The following ITPRID1 variants were observed in gnomAD, a reference collection of about 807,000 sequenced individuals.
ITPRID1 encodes the protein ITPR interacting domain containing 1.
Under a neutral mutation model 95.4 loss-of-function variants are expected in ITPRID1, and 96 were observed. That is an observed-to-expected ratio of 1.01 (90% CI 0.85 to 1.19). ITPRID1 has a LOEUF of 1.19. Ranked by LOEUF, ITPRID1 falls within the 50% of genes most tolerant of loss-of-function variation. ITPRID1 has a pLI of 0.00. For synonymous variants in ITPRID1, 510 were observed against 453.6 expected (o/e 1.12, Z -1.58); for missense variants, 1,339 against 1,252.9 (o/e 1.07, Z -1.04).
chr7:31,640,486 G>A (rs1789920938), intron 10 of ITPRID1, among the ~76,000 whole-genome samples: 1 of 152,220 alleles, frequency 6.6e-6, no homozygotes, highest in African/African-American at 2.4e-5. Context: ...TCAGCTTCAA[G>A]TGTCTGCAAG....
chr7:31,592,230 T>C (rs1440903718), intron 10 of ITPRID1, among the ~76,000 whole-genome samples: 2 of 152,198 alleles, frequency 1.3e-5, no homozygotes, highest in African/African-American at 4.8e-5. Flanking sequence ...GGATGGAGCA[T>C]GAATTTTGGA....
intron 5 of ITPRID1, among the ~76,000 whole-genome samples, chr7:31,564,917 TG>T (rs1360706117): frequency 1.3e-5 from 2 of 152,174 alleles, no homozygotes; most frequent in Admixed American, 6.5e-5. Context: ...TGGCACATTG[TG>T]AGCCACCAGC....
chr7:31,531,666 G>A (rs1448222789), intron 1 of ITPRID1, among the ~76,000 whole-genome samples: 1 of 152,042 alleles, frequency 6.6e-6, no homozygotes. Flanking sequence ...CAGGAAGCCC[G>A]CAGGGAATTC....
intron 10 of ITPRID1, among the ~76,000 whole-genome samples, chr7:31,624,152 C>T (rs1788206071): frequency 6.6e-6 from 1 of 150,768 alleles, no homozygotes; most frequent in African/African-American, 2.4e-5. Flanking sequence ...ACATTCCATG[C>T]TCATGGGTAG....
chr7:31,534,081 G>A (rs1783684790), intron 1 of ITPRID1, among the ~76,000 whole-genome samples: 1 of 152,146 alleles, frequency 6.6e-6, no homozygotes, highest in Non-Finnish European at 1.5e-5. Context: ...TAGGTTGTGT[G>A]CTCCCTGTGA....
intron 7 of ITPRID1, among the ~76,000 whole-genome samples, chr7:31,572,487 T>C (rs901433587): frequency 2.6e-5 from 4 of 152,288 alleles, no homozygotes; most frequent in East Asian, 3.9e-4. Flanking sequence ...GAAAGCTCTA[T>C]ATGCCATATT....
intron 7 of ITPRID1, among the ~76,000 whole-genome samples, chr7:31,573,510 T>C (rs928712344): frequency 2.0e-5 from 3 of 152,164 alleles, no homozygotes; most frequent in Non-Finnish European, 4.4e-5. Flanking sequence ...AGTAAATGAA[T>C]TGTAGTTAAT....
chr7:31,519,620 CTATATATA>C lies in ITPRID1; in HGVS notation c.-98+5519_-98+5526del, dbSNP rs750544823. ...TCTCTCTCTCTCTCTCTCTCTCTCTCTATATATATATATATATATATATATAAATCTTA... is the reference window on the plus strand; with the variant it reads ...TCTCTCTCTCTCTCTCTCTCTCTCTCTATATATATATATATATAAATCTTA... On this transcript the variant is annotated intron_variant, in intron 1 of 14. Coordinates refer to ENST00000615280, the MANE Select transcript of ITPRID1 (RefSeq NM_001257967.3). 1.8e-3 allele frequency among the ~76,000 whole-genome samples: 46 copies of C among 25,264 alleles called. 1 individual carries two copies. The highest frequency in any genetic ancestry group is 4.1e-3 in the Admixed American group (7 of 1,700). The allele number at this position is 25,264 out of a possible 152,430, so 16.6% of individuals were successfully genotyped here.
downstream of ITPRID1, among the ~76,000 whole-genome samples, chr7:31,657,397 T>C (rs1791355455): frequency 6.6e-6 from 1 of 152,242 alleles, no homozygotes; most frequent in Non-Finnish European, 1.5e-5. Flanking sequence ...GAAATTTATT[T>C]TTTAAATAAA....
chr7:31,638,456 T>C (rs1210620678), intron 10 of ITPRID1, among the ~76,000 whole-genome samples: 1 of 152,146 alleles, frequency 6.6e-6, no homozygotes. Context: ...TAATAACAGG[T>C]GTTTATGTTT....
In ITPRID1 at chr7:31,563,552, T is replaced by C. The variant is rs566156849; in HGVS notation, c.257-6206T>C. Among the ~76,000 whole-genome samples, 7 of 152,268 alleles carry C rather than the reference T, an allele frequency of 4.6e-5. No individual in the cohort carries two copies. The South Asian group carries it at 1.5e-3, about 32-fold the overall frequency. The stretch of plus-strand genomic sequence containing the variant: ...GGTCGTGAATAATTTGTGATAATAA[T>C]TAGTGATAACTGTCGCAGGTGTGGT... On this transcript the variant is annotated intron_variant, in intron 5 of 14. Coordinates refer to ENST00000615280, the MANE Select transcript of ITPRID1 (RefSeq NM_001257967.3).
intron 10 of ITPRID1, among the ~76,000 whole-genome samples, chr7:31,625,234 A>T (rs1318399238): frequency 3.3e-5 from 5 of 151,506 alleles, no homozygotes; most frequent in Non-Finnish European, 1.5e-5. Flanking sequence ...AGGGATCTAG[A>T]ATTACAAATA....
intron 1 of ITPRID1, chr7:31,529,635 A>T (rs980602448): frequency 1.4e-6 from 1 of 728,850 alleles, no homozygotes; most frequent in East Asian, 2.7e-5. Flanking sequence ...TTGGCTTTCT[A>T]TGACCAACTT....
In ITPRID1 at chr7:31,554,906, G is replaced by C; in HGVS notation, c.256+5G>C. 1.3e-6 allele frequency: 2 copies of C among 1,574,892 alleles called. No individual in the cohort carries two copies. The highest frequency in any genetic ancestry group is 1.7e-6 in the Non-Finnish European group (2 of 1,156,416). On this transcript the variant is annotated splice_donor_5th_base_variant and intron_variant, in intron 5 of 14. Coordinates refer to ENST00000615280, the MANE Select transcript of ITPRID1 (RefSeq NM_001257967.3). The stretch of plus-strand genomic sequence containing the variant: ...AACAAGTCATTGACCGCACTGGTAA[G>C]ACAAGAGAAGCAGTTATGCTTTGGG...
At position 31,574,168 on chromosome 7, in the gene ITPRID1, ATT is replaced by A. The variant is rs34822604; in HGVS notation, c.396-360_396-359del. 7.5e-5 allele frequency among the ~76,000 whole-genome samples: 11 copies of A among 145,946 alleles called. No homozygotes were observed. In the South Asian group the frequency reaches 8.6e-4, roughly 11 times the overall value. On this transcript the variant is annotated intron_variant, in intron 7 of 14. Transcript: ENST00000615280. ...AGTCTACTGTTTACAGTTTTGTGGG[ATT>A]TTTTTTTTTTTCTGTTTCATTTCTT...
At position 31,544,215 on chromosome 7, in the gene ITPRID1, T is replaced by C. The variant is rs1439764059; in HGVS notation, c.-97-5211T>C. On this transcript the variant is annotated intron_variant, in intron 1 of 14. Coordinates refer to ENST00000615280, the MANE Select transcript of ITPRID1 (RefSeq NM_001257967.3). ...CATTAAGTATGATGTTGGCTACTGA[T>C]TTTTTGTAGATATTTTTTATCAAGT... 2.0e-5 allele frequency among the ~76,000 whole-genome samples: 3 copies of C among 151,820 alleles called. 1 individual carries two copies. The highest frequency in any genetic ancestry group is 4.4e-5 in the Non-Finnish European group (3 of 67,748).
chr7:31,583,002 T>C (rs1239339933), intron 9 of ITPRID1, 132 bp from the exon 10 acceptor site: 5 of 578,794 alleles, frequency 8.6e-6, no homozygotes, highest in South Asian at 2.5e-5. Flanking sequence ...TCCCAGCAGA[T>C]TGCAAGTTAT....
At chr7:31,597,347 A>T (rs1475181975) in intron 10 of ITPRID1, among the ~76,000 whole-genome samples, 1 of 152,050 alleles carries the variant, frequency 6.6e-6, no homozygotes, top group Non-Finnish European at 1.5e-5. Context: ...TGCAGACAAG[A>T]TAACTGTCTA....
At chr7:31,642,132 C>T (rs202103750) in intron 10 of ITPRID1, 44 bp from the exon 11 acceptor site, 60 of 1,418,600 alleles carry the variant, frequency 4.2e-5, no homozygotes, top group Admixed American at 2.4e-4. Context: ...CTGCTGGCTG[C>T]GTGTTTTCCC....
Sources: allele counts gnomAD v4.1 joint callset (sites outside exome capture counted in the v4.1 genomes callset), GRCh38; gene constraint gnomAD v4.1.1; transcripts MANE v1.5; gene names NCBI Gene and HGNC (gene_info 2026-07-23, HGNC 2026-07-21).